HCRTR2: variants seen among roughly 807,000 people sequenced by gnomAD.
HCRTR2 encodes the protein hypocretin receptor 2.
Under a neutral mutation model 49.0 loss-of-function variants are expected in HCRTR2, and 22 were observed. The observed-to-expected ratio is 0.45, with a 90% confidence interval of 0.32 to 0.64. The LOEUF (loss-of-function observed/expected upper bound fraction) is 0.64, where lower values mean the gene tolerates loss of function less well. HCRTR2 is among the 30% of genes least tolerant of loss of function. The probability of loss-of-function intolerance (pLI) is 0.04; values close to 1 mark genes in which losing one functional copy is unlikely to be tolerated. For missense variants in HCRTR2, 491 were observed against 559.4 expected (o/e 0.88, Z 1.23); for synonymous variants, 236 against 205.3 (o/e 1.15, Z -1.28).
chr6:55,255,301 G>T lies in HCRTR2; in HGVS notation c.568G>T (p.Val190Phe). 6.2e-7 allele frequency: 1 copy of T among 1,613,968 alleles called. No individual in the cohort carries two copies. The highest frequency in any genetic ancestry group is 8.5e-7 in the Non-Finnish European group (1 of 1,179,920). Residue 190 changes from valine (V) to phenylalanine (F), a missense_variant, in exon 3 of 7, where the codon GTC (valine) becomes TTC (phenylalanine). Physicochemically the swap from Val to Phe is conservative, Grantham distance 50 (BLOSUM62 -1). Coordinates refer to ENST00000370862, the MANE Select transcript of HCRTR2 (RefSeq NM_001384272.1). ...CATTATAATGATTCCTCAGGCCATC[G>T]TCATGGAGTGCAGCACCGTGTTCCC... ...SCIIMIPQAI[V>F]MECSTVFPGL...
At chr6:55,266,828 A>C (rs1766869320) in intron 4 of HCRTR2, among the ~76,000 whole-genome samples, 1 of 152,184 alleles carries the variant, frequency 6.6e-6, no homozygotes, top group Admixed American at 6.5e-5. Flanking sequence ...ACCAAAATCC[A>C]AACATTTTAA....
intron 4 of HCRTR2, among the ~76,000 whole-genome samples, chr6:55,265,201 A>C (rs9475222): frequency 6.6e-6 from 1 of 152,242 alleles, no homozygotes; most frequent in East Asian, 1.9e-4. Flanking sequence ...GTGATTTTCT[A>C]GATGTTGGTG....
chr6:55,139,416 T>C (rs2127251986), intron 1 of HCRTR2, among the ~76,000 whole-genome samples: 1 of 147,348 alleles, frequency 6.8e-6, no homozygotes, highest in East Asian at 1.9e-4. Flanking sequence ...GATTCAATTA[T>C]TGGTATTTAT....
intron 1 of HCRTR2, among the ~76,000 whole-genome samples, chr6:55,219,138 G>C (rs555160093): frequency 6.6e-6 from 1 of 152,262 alleles, no homozygotes; most frequent in East Asian, 1.9e-4. Flanking sequence ...TTCAAAAATT[G>C]ATAGAACATC....
intron 1 of HCRTR2, among the ~76,000 whole-genome samples, chr6:55,192,810 C>T (rs1397236756): frequency 6.6e-6 from 1 of 152,094 alleles, no homozygotes; most frequent in Admixed American, 6.5e-5. Flanking sequence ...GTAGTTGTTG[C>T]CCATTTTTCT....
intron 3 of HCRTR2, among the ~76,000 whole-genome samples, chr6:55,261,400 T>A (rs1766753403): frequency 6.6e-6 from 1 of 152,066 alleles, no homozygotes; most frequent in Non-Finnish European, 1.5e-5. Context: ...TACCACTTTT[T>A]TTTTTATTTT....
At chr6:55,268,087 A>C (rs1766896247) in intron 4 of HCRTR2, among the ~76,000 whole-genome samples, 1 of 152,134 alleles carries the variant, frequency 6.6e-6, no homozygotes. Context: ...ATTGGAGCAA[A>C]TTTGTTTTAT....
chr6:55,120,011 C>T (rs111846234), intron 1 of HCRTR2, among the ~76,000 whole-genome samples: 18 of 152,180 alleles, frequency 1.2e-4, no homozygotes, highest in African/African-American at 4.3e-4. Flanking sequence ...TTCCCAACAC[C>T]GTTTATTAAA....
rs559512843 is a variant in HCRTR2, at chr6:55,241,107, A to G, written c.224-7532A>G. Among the ~76,000 whole-genome samples the G allele has an allele frequency of 6.2e-5, 9 of 144,786 alleles. No homozygotes were observed. The South Asian group carries it at 1.7e-3, about 27-fold the overall frequency. 95.0% of individuals were successfully genotyped at this position (144,786 alleles called of 152,430 possible). On this transcript the variant is annotated intron_variant, in intron 1 of 6. Transcript: ENST00000370862. ...CATTTAGCATTATGTATATCTCCCA[A>G]TGCTATCCCTCCCCCTCCCCCCACC...
chr6:55,177,244 G>GTC (rs1395501068), intron 1 of HCRTR2, among the ~76,000 whole-genome samples: 2 of 152,158 alleles, frequency 1.3e-5, no homozygotes, highest in African/African-American at 4.8e-5. Flanking sequence ...GAAACTGACA[G>GTC]CTATTTTCCT....
At chr6:55,142,694 A>AT (rs1201752746) in intron 1 of HCRTR2, among the ~76,000 whole-genome samples, 1 of 151,786 alleles carries the variant, frequency 6.6e-6, no homozygotes, top group Non-Finnish European at 1.5e-5. Context: ...GTAGTTTAGC[A>AT]TTTTTTTGAA....
At chr6:55,192,169 C>A (rs900170619) in intron 1 of HCRTR2, among the ~76,000 whole-genome samples, 25 of 152,088 alleles carry the variant, frequency 1.6e-4, no homozygotes, top group African/African-American at 5.6e-4. Flanking sequence ...TAACTTGCAT[C>A]TCTTTTACAT....
At chr6:55,176,275 A>T (rs1765038512) in intron 1 of HCRTR2, among the ~76,000 whole-genome samples, 1 of 152,224 alleles carries the variant, frequency 6.6e-6, no homozygotes, top group Non-Finnish European at 1.5e-5. Flanking sequence ...TATTATTTTT[A>T]GACTGTTTTC....
intron 1 of HCRTR2, among the ~76,000 whole-genome samples, chr6:55,160,563 C>A (rs1764791564): frequency 6.6e-6 from 1 of 152,080 alleles, no homozygotes; most frequent in Non-Finnish European, 1.5e-5. Context: ...GAGTCAAGAC[C>A]CAACAGTGTG....
At chr6:55,157,098 A>G (rs79797127) in intron 1 of HCRTR2, among the ~76,000 whole-genome samples, 8,758 of 152,238 alleles carry the variant, frequency 0.058, 1,104 homozygotes, top group East Asian at 0.48. Flanking sequence ...GGCAGATGAC[A>G]TAATCTTATA....
At chr6:55,111,870 T>A (rs1286749780) in intron 1 of HCRTR2, among the ~76,000 whole-genome samples, 1 of 152,028 alleles carries the variant, frequency 6.6e-6, no homozygotes. Flanking sequence ...ATGTCCCTGA[T>A]GAACATAGAT....
intron 1 of HCRTR2, among the ~76,000 whole-genome samples, chr6:55,116,440 TA>T (rs1483617423): frequency 6.7e-6 from 1 of 150,324 alleles, no homozygotes; most frequent in African/African-American, 2.4e-5. Flanking sequence ...AAAATACTTC[TA>T]GGGGGAGATA....
At chr6:55,109,025 G>A (rs963563487) in intron 1 of HCRTR2, among the ~76,000 whole-genome samples, 2 of 152,090 alleles carry the variant, frequency 1.3e-5, no homozygotes, top group African/African-American at 4.8e-5. Flanking sequence ...CACTGGAGCA[G>A]GTGCTGGTAT....
intron 1 of HCRTR2, among the ~76,000 whole-genome samples, chr6:55,202,890 C>T (rs1765535709): frequency 6.6e-6 from 1 of 152,142 alleles, no homozygotes. Flanking sequence ...GGAAAACTCT[C>T]CCTGCCACCC....
Sources: allele counts gnomAD v4.1 joint callset (sites outside exome capture counted in the v4.1 genomes callset), GRCh38; gene constraint gnomAD v4.1.1; transcripts MANE v1.5; gene names NCBI Gene and HGNC (gene_info 2026-07-23, HGNC 2026-07-21).